The following ROPN1 variants were observed in gnomAD, a reference collection of about 807,000 sequenced individuals.
The protein encoded by ROPN1 is rhophilin associated tail protein 1, also known as ropporin-1A.
Under a neutral mutation model 20.5 loss-of-function variants are expected in ROPN1, and 14 were observed. The ratio of observed to expected loss-of-function variants is 0.68; its 90% CI spans 0.45 to 1.07. The LOEUF (loss-of-function observed/expected upper bound fraction) is 1.07, where lower values mean the gene tolerates loss of function less well. Ranked by LOEUF, ROPN1 falls within the 50% of genes least tolerant of loss-of-function variation. ROPN1 has a pLI of 0.00. For missense variants in ROPN1, 169 were observed against 242.8 expected (o/e 0.70, Z 2.02); for synonymous variants, 76 against 95.7 (o/e 0.79, Z 1.20).
At chr3:123,983,067 G>A (rs530278391) in intron 1 of ROPN1, among the ~76,000 whole-genome samples, 1 of 152,280 alleles carries the variant, frequency 6.6e-6, no homozygotes, top group East Asian at 1.9e-4. Context: ...ATAGTCAGAT[G>A]TGTTACCCAT....
chr3:123,969,979 C>T lies in ROPN1; in HGVS notation c.572+63G>A. 2.6e-6 allele frequency: 4 copies of T among 1,530,288 alleles called. No homozygotes were observed. In the South Asian group the frequency reaches 4.7e-5, roughly 18 times the overall value. 94.8% of individuals were successfully genotyped at this position (1,530,288 alleles called of 1,614,324 possible). On this transcript the variant is annotated intron_variant, in intron 5 of 5. Coordinates refer to ENST00000405845, the MANE Select transcript of ROPN1 (RefSeq NM_001317774.2). ...CAGTATAATACAATAATCTCACTATCTTGGCCAGCTAGATTTCTTTTCCTG... is the reference window on the plus strand; with the variant it reads ...CAGTATAATACAATAATCTCACTATTTTGGCCAGCTAGATTTCTTTTCCTG...
At chr3:123,984,918 T>C (rs555009922) in intron 1 of ROPN1, among the ~76,000 whole-genome samples, 2 of 152,330 alleles carry the variant, frequency 1.3e-5, no homozygotes, top group South Asian at 2.1e-4. Context: ...GGGTTTTTCA[T>C]ACTGTGCCAT....
At chr3:123,972,668 T>G (rs931540350) in intron 4 of ROPN1, among the ~76,000 whole-genome samples, 33 of 152,336 alleles carry the variant, frequency 2.2e-4, no homozygotes, top group Non-Finnish European at 4.9e-4. Flanking sequence ...ATGTACCTAT[T>G]ACCTACCAGA....
chr3:123,980,248 A>C (rs1361192206), intron 2 of ROPN1, 118 bp downstream of exon 2: 5 of 874,690 alleles, frequency 5.7e-6, no homozygotes, highest in Non-Finnish European at 9.3e-6. Context: ...AGCTAAAACA[A>C]AGACGATGCC....
intron 1 of ROPN1, among the ~76,000 whole-genome samples, chr3:123,986,660 A>C (rs2038265549): frequency 6.6e-6 from 1 of 152,192 alleles, no homozygotes; most frequent in Admixed American, 6.5e-5. Flanking sequence ...GGGGGTCAGC[A>C]GGGGTGGACT....
chr3:123,980,340 G>A (rs535772053), intron 2 of ROPN1, 26 bp downstream of exon 2: 2 of 1,611,132 alleles, frequency 1.2e-6, no homozygotes. Context: ...TCCTCCAAGG[G>A]GTGAAGGCGA....
intron 2 of ROPN1, chr3:123,979,767 A>T: frequency 2.8e-6 from 1 of 352,954 alleles, no homozygotes; most frequent in Non-Finnish European, 5.6e-6. Flanking sequence ...GGCAGAACAA[A>T]ATCAGTTCAG....
At chr3:123,977,983 T>A (rs891447122) in intron 2 of ROPN1, among the ~76,000 whole-genome samples, 7 of 152,234 alleles carry the variant, frequency 4.6e-5, no homozygotes, top group Admixed American at 1.3e-4. Flanking sequence ...TGACGATCCA[T>A]GAACCACAAA....
rs565746416 is a variant in ROPN1 at position 123,973,264 on chromosome 3, A to G, written c.396+2115T>C. Among the ~76,000 whole-genome samples, 16 of 152,364 alleles carry G rather than the reference A, an allele frequency of 1.1e-4. No individual in the cohort carries two copies. In the South Asian group the frequency reaches 3.3e-3, roughly 32 times the overall value. On this transcript the variant is annotated intron_variant, in intron 4 of 5. Coordinates refer to ENST00000405845, the MANE Select transcript of ROPN1 (RefSeq NM_001317774.2). ...TATAAGGGTATTGATTACTGGTTTC[A>G]TAGGACACCCTTTATTTGCAGATTT...
chr3:123,990,521 T>C (rs2038383298), intron 1 of ROPN1, among the ~76,000 whole-genome samples: 2 of 152,224 alleles, frequency 1.3e-5, no homozygotes, highest in Non-Finnish European at 2.9e-5. Context: ...GTTGAAATCA[T>C]AGACTCTCTG....
At chr3:123,984,124 A>G (rs2038204960) in intron 1 of ROPN1, among the ~76,000 whole-genome samples, 1 of 152,066 alleles carries the variant, frequency 6.6e-6, no homozygotes, top group Non-Finnish European at 1.5e-5. Context: ...ATCTTCCCCC[A>G]ACTCAGGTCT....
chr3:123,979,944 C>T (rs1314143074), intron 2 of ROPN1: 1 of 363,788 alleles, frequency 2.7e-6, no homozygotes, highest in Non-Finnish European at 5.0e-6. Context: ...GCTTCCCTCC[C>T]CCGGCTGCAC....
chr3:123,985,933 C>A (rs2149001552), intron 1 of ROPN1, among the ~76,000 whole-genome samples: 1 of 128,522 alleles, frequency 7.8e-6, no homozygotes, highest in East Asian at 2.5e-4. Context: ...GATGAGGTTG[C>A]AATGAGCCAA....
At chr3:123,971,216 G>C (rs939960970) in intron 4 of ROPN1, among the ~76,000 whole-genome samples, 4 of 152,174 alleles carry the variant, frequency 2.6e-5, no homozygotes, top group African/African-American at 2.4e-5. Context: ...TCCCAGAACA[G>C]AATGATTGCC....
chr3:123,987,043 A>G (rs2038277038), intron 1 of ROPN1, among the ~76,000 whole-genome samples: 1 of 152,244 alleles, frequency 6.6e-6, no homozygotes, highest in Non-Finnish European at 1.5e-5. Context: ...AAAGTCTCTT[A>G]TTGGAGCAAG....
intron 1 of ROPN1, among the ~76,000 whole-genome samples, chr3:123,989,744 G>A (rs1419647883): frequency 6.6e-6 from 1 of 152,136 alleles, no homozygotes; most frequent in Non-Finnish European, 1.5e-5. Flanking sequence ...CTGTCAGTGA[G>A]TTACCTTTTA....
At chr3:123,988,709 A>T (rs1317645111) in intron 1 of ROPN1, among the ~76,000 whole-genome samples, 1 of 152,070 alleles carries the variant, frequency 6.6e-6, no homozygotes, top group Non-Finnish European at 1.5e-5. Context: ...ATGACTAATT[A>T]TGTGATCCTT....
chr3:123,981,352 T>A (rs1336849757), intron 1 of ROPN1: 4 of 153,202 alleles, frequency 2.6e-5, no homozygotes, highest in Non-Finnish European at 5.9e-5. Context: ...CCCGCAGTGC[T>A]GGGCAAATGA....
intron 1 of ROPN1, among the ~76,000 whole-genome samples, chr3:123,987,933 G>A (rs578210515): frequency 2.0e-5 from 3 of 152,070 alleles, no homozygotes; most frequent in Non-Finnish European, 4.4e-5. Flanking sequence ...GTGTTCATTC[G>A]CATCATCATC....
Sources: gnomAD v4.1 joint callset for allele counts (sites outside exome capture counted in the v4.1 genomes callset) on GRCh38, gnomAD v4.1.1 for gene constraint, MANE v1.5 for transcripts, NCBI Gene and HGNC (gene_info 2026-07-23, HGNC 2026-07-21) for gene names.